The following TMC7 variants were observed in gnomAD, a reference collection of about 807,000 sequenced individuals.
The protein encoded by TMC7 is transmembrane channel-like protein 7.
In TMC7, 54 loss-of-function variants were observed where a neutral mutation model predicts 82.9. The observed-to-expected ratio is 0.65, with a 90% CI of 0.52 to 0.82. The LOEUF (loss-of-function observed/expected upper bound fraction) is 0.82. Among genes scored for constraint, TMC7 ranks in the 40% least tolerant of loss-of-function variants. The pLI is 0.00. For missense variants in TMC7, 820 were observed against 901.2 expected (o/e 0.91, Z 1.15); for synonymous variants, 350 against 337.9 (o/e 1.04, Z -0.39).
intron 1 of TMC7, among the ~76,000 whole-genome samples, chr16:18,995,343 G>A (rs12444284): frequency 0.45 from 68,153 of 151,574 alleles, 18,476 homozygotes; most frequent in East Asian, 0.76. Context: ...TACCCAAAGC[G>A]TCCGTGATGG....
At chr16:19,021,599 G>A (rs758695042) in intron 3 of TMC7, 30 bp from the exon 4 acceptor site, 1 of 1,612,388 alleles carries the variant, frequency 6.2e-7, no homozygotes, top group African/African-American at 1.3e-5. Flanking sequence ...AATATCCCTG[G>A]TCAGTGATGT....
rs969601943 is a variant in TMC7 at position 18,991,730 on chromosome 16, C to T, written c.67+7600C>T. Among the ~76,000 whole-genome samples, 5 of 152,142 alleles carry T rather than the reference C, an allele frequency of 3.3e-5. No individual in the cohort carries two copies. The East Asian group carries it at 7.7e-4, about 24-fold the overall frequency. On this transcript the variant is annotated intron_variant, in intron 1 of 15. Coordinates refer to ENST00000304381, the MANE Select transcript of TMC7 (RefSeq NM_024847.4). ...AGGTGTATCTCCTAATGCTATCCCT[C>T]CCCCGTCCCCGCACCGCACAAGAGG...
intron 1 of TMC7, among the ~76,000 whole-genome samples, chr16:19,008,797 A>C (rs909738670): frequency 6.6e-6 from 1 of 152,124 alleles, no homozygotes; most frequent in East Asian, 1.9e-4. Context: ...TATACCCTAC[A>C]CTGTGGGAGG....
intron 5 of TMC7, among the ~76,000 whole-genome samples, chr16:19,026,130 C>G (rs1202498765): frequency 2.0e-5 from 3 of 151,174 alleles, no homozygotes; most frequent in Non-Finnish European, 2.9e-5. Flanking sequence ...TAAAAACAAC[C>G]CAGGGGAATT....
chr16:19,023,417 T>C (rs1048860231), intron 5 of TMC7, among the ~76,000 whole-genome samples: 8 of 152,156 alleles, frequency 5.3e-5, no homozygotes, highest in Non-Finnish European at 7.4e-5. Flanking sequence ...CTTTCGGCCA[T>C]TGGCCTTTTT....
intron 1 of TMC7, among the ~76,000 whole-genome samples, chr16:19,003,894 C>T (rs1454756545): frequency 2.5e-5 from 3 of 120,086 alleles, no homozygotes; most frequent in African/African-American, 9.7e-5. Context: ...ACAAACACTG[C>T]GGAAGGCCGC....
intron 2 of TMC7, among the ~76,000 whole-genome samples, chr16:19,014,074 G>A (rs755870769): frequency 5.8e-4 from 87 of 150,832 alleles, no homozygotes; most frequent in Middle Eastern, 3.4e-3. Flanking sequence ...CACCGTGTTA[G>A]CCAGGATGGT....
rs904639933 is a variant in TMC7 at position 19,021,149 on chromosome 16, A to G, written c.461-480A>G. 3.9e-5 allele frequency among the ~76,000 whole-genome samples: 6 copies of G among 152,198 alleles called. No individual in the cohort carries two copies. In the South Asian group the frequency reaches 6.2e-4, roughly 16 times the overall value. ...ATTTGTACATAAATGCAAAAGACCA[A>G]AGATATCTAAGACAATCTTGAGGAG... On this transcript the variant is annotated intron_variant, in intron 3 of 15. Transcript: ENST00000304381.
Position 19,021,826 on chromosome 16 carries a change from T to G in TMC7, c.628+30T>G, listed in dbSNP as rs977611008. ...GTGTAAGGCCTGGTTTACTACGAAG[T>G]GTGTTTGTTTTTCACCATGTACCTT... On this transcript the variant is annotated intron_variant, in intron 4 of 15. Transcript: ENST00000304381. The G allele has an allele frequency of 7.5e-6, 12 of 1,607,092 alleles. No individual in the cohort carries two copies. In the East Asian group the frequency reaches 2.7e-4, roughly 36 times the overall value.
intron 1 of TMC7, among the ~76,000 whole-genome samples, chr16:18,994,253 A>T (rs541825249): frequency 1.3e-4 from 20 of 151,898 alleles, no homozygotes; most frequent in Non-Finnish European, 2.1e-4. Flanking sequence ...AGTGGAGCAT[A>T]GTTTGTGATT....
intron 8 of TMC7, 111 bp from the exon 9 acceptor site, chr16:19,040,178 C>A (rs1326751338): frequency 3.8e-5 from 26 of 685,138 alleles, no homozygotes; most frequent in Non-Finnish European, 5.2e-5. Flanking sequence ...TGTTGAATGA[C>A]AAATACGTTT....
At chr16:19,031,473 A>G (rs1960512727) in intron 6 of TMC7, among the ~76,000 whole-genome samples, 1 of 152,224 alleles carries the variant, frequency 6.6e-6, no homozygotes, top group South Asian at 2.1e-4. Flanking sequence ...AACAACAGGT[A>G]CAAAAGGCAC....
intron 13 of TMC7, 140 bp downstream of exon 13, chr16:19,051,956 G>A (rs1961561227): frequency 2.4e-5 from 28 of 1,148,798 alleles, no homozygotes; most frequent in South Asian, 7.3e-5. Context: ...GTGTGGTGGC[G>A]CAGTCTTGGC....
At chr16:18,997,670 C>T (rs963558803) in intron 1 of TMC7, among the ~76,000 whole-genome samples, 1 of 151,986 alleles carries the variant, frequency 6.6e-6, no homozygotes, top group Non-Finnish European at 1.5e-5. Flanking sequence ...CCACCGCACC[C>T]GGCCTCAGGC....
intron 1 of TMC7, among the ~76,000 whole-genome samples, chr16:18,994,052 A>G (rs2038996156): frequency 6.6e-6 from 1 of 152,122 alleles, no homozygotes; most frequent in Admixed American, 6.6e-5. Context: ...AGAGAGATAC[A>G]GTCATGGGGG....
chr16:18,988,483 G>A (rs1437646014), intron 1 of TMC7, among the ~76,000 whole-genome samples: 3 of 151,964 alleles, frequency 2.0e-5, no homozygotes, highest in African/African-American at 7.3e-5. Flanking sequence ...TAGAGACTGG[G>A]TCTGGTTATG....
intron 5 of TMC7, 70 bp from the exon 6 acceptor site, chr16:19,030,154 C>A: frequency 6.7e-7 from 1 of 1,501,296 alleles, no homozygotes; most frequent in South Asian, 1.3e-5. Context: ...TTCCTTGAGG[C>A]AGGGACTACT....
At chr16:19,011,961 G>C (rs971905392) in intron 2 of TMC7, among the ~76,000 whole-genome samples, 3 of 152,040 alleles carry the variant, frequency 2.0e-5, no homozygotes, top group African/African-American at 7.2e-5. Context: ...GGGCAATGTA[G>C]TGAAACCCTG....
At chr16:19,023,778 C>T (rs997297160) in intron 5 of TMC7, among the ~76,000 whole-genome samples, 1 of 152,178 alleles carries the variant, frequency 6.6e-6, no homozygotes, top group South Asian at 2.1e-4. Context: ...TGATCTGCAA[C>T]ACAATACCGA....
Sources: gnomAD v4.1 joint callset for allele counts (sites outside exome capture counted in the v4.1 genomes callset) on GRCh38, gnomAD v4.1.1 for gene constraint, MANE v1.5 for transcripts, NCBI Gene and HGNC (gene_info 2026-07-23, HGNC 2026-07-21) for gene names.